Variants in CAMSAP2 observed in about 807,000 individuals in gnomAD.
The protein encoded by CAMSAP2 is calmodulin-regulated spectrin-associated protein 2.
In CAMSAP2, 26 loss-of-function variants were observed where a neutral mutation model predicts 146.1. That is an observed-to-expected ratio of 0.18 (90% CI 0.13 to 0.25). The LOEUF is 0.25. Among genes scored for constraint, CAMSAP2 ranks in the 10% least tolerant of loss-of-function variants. The pLI, the probability that CAMSAP2 is intolerant of heterozygous loss-of-function variation, is 1.00. For missense variants in CAMSAP2, 1,381 were observed against 1,759.3 expected, an observed-to-expected ratio of 0.78 and a Z score of 3.85; for synonymous variants, 499 against 596.6, an observed-to-expected ratio of 0.84 and a Z score of 2.38.
intron 9 of CAMSAP2, 65 bp from the exon 10 acceptor site, chr1:200,847,572 TCTC>T (rs1184521621): frequency 2.9e-5 from 34 of 1,175,222 alleles, no homozygotes; most frequent in South Asian, 2.3e-4. Context: ...ATACATGAAA[TCTC>T]CTAAGTTGCT....
chr1:200,856,910 ATGTTAGTTCAGTTGAACAAT>A (rs1381621606), intron 15 of CAMSAP2, among the ~76,000 whole-genome samples: 6 of 152,186 alleles, frequency 3.9e-5, no homozygotes, highest in African/African-American at 1.4e-4. Context: ...CTGCTTCTCT[ATGTTAGTTCAGTTGAACAAT>A]CTGAAAAAGA....
At position 200,844,221 on chromosome 1, in the gene CAMSAP2, C is replaced by A. The variant is rs571455940; in HGVS notation, c.1022-561C>A. On this transcript the variant is annotated intron_variant, in intron 7 of 16. Coordinates refer to ENST00000358823, the MANE Select transcript of CAMSAP2 (RefSeq NM_203459.4). Reference sequence around the variant, plus strand: ...ATTTATTTTATGTTAGGCTTTTTCCCCCTAATTATCCTTAATCAGATGAAT... The same window carrying A: ...ATTTATTTTATGTTAGGCTTTTTCCACCTAATTATCCTTAATCAGATGAAT... 2.6e-5 allele frequency among the ~76,000 whole-genome samples: 4 copies of A among 151,994 alleles called. No homozygotes were observed. In the South Asian group the frequency reaches 8.4e-4, roughly 32 times the overall value.
At chr1:200,750,717 C>T (rs554682943) in intron 1 of CAMSAP2, among the ~76,000 whole-genome samples, 2 of 151,660 alleles carry the variant, frequency 1.3e-5, no homozygotes, top group South Asian at 2.1e-4. Context: ...CTCTGCCTCC[C>T]GGGTTCAAGT....
intron 2 of CAMSAP2, among the ~76,000 whole-genome samples, chr1:200,776,541 G>A (rs1045595476): frequency 4.6e-5 from 7 of 152,046 alleles, no homozygotes; most frequent in Non-Finnish European, 7.4e-5. Context: ...GAGAAACCTG[G>A]GCAGGCTTGT....
intron 1 of CAMSAP2, among the ~76,000 whole-genome samples, chr1:200,749,148 A>G (rs1013477709): frequency 1.3e-5 from 2 of 152,242 alleles, no homozygotes; most frequent in Admixed American, 6.5e-5. Context: ...TGCAGTATAT[A>G]CATTTCATGT....
chr1:200,739,612 T>A lies in CAMSAP2; in HGVS notation c.-216T>A. The A allele has an allele frequency of 3.4e-6, 1 of 290,212 alleles. No individual in the cohort carries two copies. The highest frequency in any genetic ancestry group is 6.0e-6 in the Non-Finnish European group (1 of 167,162). The allele number at this position is 290,212 out of a possible 1,614,324, so 18.0% of individuals were successfully genotyped here. On this transcript the variant is annotated 5_prime_UTR_variant, in exon 1 of 17. The change abolishes an upstream ATG in the 5' untranslated region. Coordinates refer to ENST00000358823, the MANE Select transcript of CAMSAP2 (RefSeq NM_203459.4). This position sits in a 1 kb window ranked among gnomAD's most constrained non-coding sequence, Gnocchi z 4.8. The stretch of plus-strand genomic sequence containing the variant: ...CGGAGACGGCGCCGCCACATTCCTA[T>A]GCCCGGGAGCGGCGGCGGCGGCGGC...
Position 200,832,484 on chromosome 1 carries a change from AC to A in CAMSAP2, c.787+144del. On this transcript the variant is annotated intron_variant, in intron 5 of 16. Coordinates refer to ENST00000358823, the MANE Select transcript of CAMSAP2 (RefSeq NM_203459.4). The surrounding 1 kb of genome is among the most constrained non-coding windows in gnomAD (Gnocchi z 4.2). ...CAATATTATTTAATAAGTACTGAAG[AC>A]TTTTTTTTAAAAATAAAGAACATTT... The A allele has an allele frequency of 1.2e-6, 1 of 866,558 alleles. No homozygotes were observed. Among genetic ancestry groups the A allele is most frequent in the Admixed American group, 3.5e-5 (1 of 28,638 alleles). The allele number at this position is 866,558 out of a possible 1,614,324, so 53.7% of individuals were successfully genotyped here.
At position 200,739,623 on chromosome 1, in the gene CAMSAP2, GGCGGCGGCGGCGGCGGCGGCT is replaced by G. The variant is rs1664088056; in HGVS notation, c.-204_-184del. On this transcript the variant is annotated 5_prime_UTR_variant, in exon 1 of 17. Transcript: ENST00000358823. The surrounding 1 kb of genome is among the most constrained non-coding windows in gnomAD (Gnocchi z 4.8). ...CCGCCACATTCCTATGCCCGGGAGC[GGCGGCGGCGGCGGCGGCGGCT>G]CCCGCGGGAGGCGGCAGGCGCGCGG... The G allele has an allele frequency of 3.7e-6, 1 of 269,768 alleles. No individual in the cohort carries two copies. Among genetic ancestry groups the G allele is most frequent in the Non-Finnish European group, 6.7e-6 (1 of 150,046 alleles). The allele number at this position is 269,768 out of a possible 1,614,324, so 16.7% of individuals were successfully genotyped here.
At chr1:200,798,246 A>G in intron 2 of CAMSAP2, among the ~76,000 whole-genome samples, 1 of 145,492 alleles carries the variant, frequency 6.9e-6, no homozygotes, top group Non-Finnish European at 1.5e-5. Context: ...GAATCTATAA[A>G]TTACCTTGGG....
chr1:200,819,026 T>C (rs950865539), intron 4 of CAMSAP2, among the ~76,000 whole-genome samples: 3 of 152,226 alleles, frequency 2.0e-5, no homozygotes, highest in African/African-American at 7.2e-5. Context: ...GTAGAATTTG[T>C]TTTATGAAAT....
At chr1:200,764,158 TATC>T (rs1664877847) in intron 2 of CAMSAP2, among the ~76,000 whole-genome samples, 1 of 152,162 alleles carries the variant, frequency 6.6e-6, no homozygotes, top group Non-Finnish European at 1.5e-5. Flanking sequence ...TTTTGGGAAG[TATC>T]ATGAAAAATA....
intron 6 of CAMSAP2, among the ~76,000 whole-genome samples, chr1:200,835,988 G>A (rs73086671): frequency 1.3e-5 from 2 of 151,878 alleles, no homozygotes; most frequent in Non-Finnish European, 2.9e-5. Flanking sequence ...TCTTAAATTA[G>A]GTATATTTAA....
At chr1:200,794,750 C>T (rs550113280) in intron 2 of CAMSAP2, among the ~76,000 whole-genome samples, 2 of 152,308 alleles carry the variant, frequency 1.3e-5, no homozygotes, top group South Asian at 2.1e-4. Context: ...TCACCAGCAG[C>T]ACTCACCATC....
chr1:200,812,278 A>C (rs991398223), intron 3 of CAMSAP2, among the ~76,000 whole-genome samples: 5 of 147,700 alleles, frequency 3.4e-5, no homozygotes, highest in African/African-American at 1.3e-4. Flanking sequence ...GATTATATTT[A>C]ATAAACACTA....
chr1:200,785,625 A>G (rs1665567225), intron 2 of CAMSAP2, among the ~76,000 whole-genome samples: 2 of 152,118 alleles, frequency 1.3e-5, no homozygotes, highest in Admixed American at 1.3e-4. Flanking sequence ...CGTGACCTCA[A>G]GCAGTCCATC....
rs932290051 is a variant in CAMSAP2 at position 200,859,212 on chromosome 1, A to G, written c.*1153A>G. Reference sequence around the variant, plus strand: ...GTGTATACCAGAGGGTTAGTTGGGGAAAAACTTCATTCTCAGGAAAAGACT... The same window carrying G: ...GTGTATACCAGAGGGTTAGTTGGGGGAAAACTTCATTCTCAGGAAAAGACT... On this transcript the variant is annotated 3_prime_UTR_variant, in exon 17 of 17. Transcript: ENST00000358823. 6.6e-6 allele frequency: 1 copy of G among 152,594 alleles called. No homozygotes were observed. The highest frequency in any genetic ancestry group is 1.5e-5 in the Non-Finnish European group (1 of 67,900). The allele number at this position is 152,594 out of a possible 1,614,324, so 9.5% of individuals were successfully genotyped here.
At chr1:200,853,000 TACACACACACACAC>T (rs67551824) in intron 12 of CAMSAP2, among the ~76,000 whole-genome samples, 7 of 147,590 alleles carry the variant, frequency 4.7e-5, no homozygotes, top group East Asian at 2.2e-4. Flanking sequence ...TCCTGGGAGA[TACACACACACACAC>T]ACACACACAC....
chr1:200,761,868 G>A (rs2103002998), intron 2 of CAMSAP2, among the ~76,000 whole-genome samples: 1 of 152,294 alleles, frequency 6.6e-6, no homozygotes, highest in South Asian at 2.1e-4. Flanking sequence ...CCTCTAAGCT[G>A]GCCTGGGGCC....
chr1:200,806,755 GTGTGTGTGTGTATC>G (rs1372963411), intron 2 of CAMSAP2, among the ~76,000 whole-genome samples: 15 of 134,532 alleles, frequency 1.1e-4, no homozygotes, highest in African/African-American at 4.0e-4. Flanking sequence ...GTGTGTGTGT[GTGTGTGTGTGTATC>G]TATCTATCTA....
Sources: gnomAD v4.1 joint callset for allele counts (sites outside exome capture counted in the v4.1 genomes callset) on GRCh38, gnomAD v4.1.1 for gene constraint, Gnocchi (gnomAD v3.1) non-coding constraint, MANE v1.5 for transcripts, NCBI Gene and HGNC (gene_info 2026-07-23, HGNC 2026-07-21) for gene names.